The following CRIM1 variants were observed in gnomAD, a reference collection of about 807,000 sequenced individuals.
CRIM1 encodes the protein cysteine-rich motor neuron 1 protein.
In CRIM1, 32 loss-of-function variants were observed where a neutral mutation model predicts 116.4. The observed-to-expected ratio is 0.27, with a 90% CI of 0.21 to 0.37. The LOEUF (loss-of-function observed/expected upper bound fraction) is 0.37, where lower values mean the gene tolerates loss of function less well. Ranked by LOEUF, CRIM1 falls within the 10% of genes least tolerant of loss-of-function variation. The pLI is 1.00. For synonymous variants in CRIM1, 590 were observed against 509.2 expected, an observed-to-expected ratio of 1.16 and a Z score of -2.13; for missense variants, 1,331 against 1,354.8, an observed-to-expected ratio of 0.98 and a Z score of 0.28.
At chr2:36,385,530 T>C (rs1339337645) in intron 1 of CRIM1, among the ~76,000 whole-genome samples, 1 of 152,190 alleles carries the variant, frequency 6.6e-6, no homozygotes, top group Non-Finnish European at 1.5e-5. Context: ...TCTGCAGCTC[T>C]GTTCCTTGGC....
intron 2 of CRIM1, among the ~76,000 whole-genome samples, chr2:36,420,319 A>G (rs920754390): frequency 1.3e-5 from 2 of 152,214 alleles, no homozygotes; most frequent in Non-Finnish European, 2.9e-5. Context: ...GTTATTTAAT[A>G]TACCCAAGAA....
chr2:36,439,937 A>G (rs1199826494), intron 2 of CRIM1, among the ~76,000 whole-genome samples: 2 of 152,218 alleles, frequency 1.3e-5, no homozygotes, highest in African/African-American at 4.8e-5. Context: ...TGCTGAAGCA[A>G]CAGGTGCTCA....
intron 5 of CRIM1, among the ~76,000 whole-genome samples, chr2:36,476,206 G>T (rs1678962534): frequency 6.6e-6 from 1 of 152,058 alleles, no homozygotes; most frequent in African/African-American, 2.4e-5. Flanking sequence ...ACAATGGAAG[G>T]AGCACAAGGT....
At chr2:36,478,586 A>G (rs1679166927) in intron 6 of CRIM1, among the ~76,000 whole-genome samples, 1 of 152,210 alleles carries the variant, frequency 6.6e-6, no homozygotes. Flanking sequence ...TAACGCTGTG[A>G]TGGCATTATT....
chr2:36,363,398 A>G (rs906170302), intron 1 of CRIM1, among the ~76,000 whole-genome samples: 5 of 151,998 alleles, frequency 3.3e-5, no homozygotes, highest in African/African-American at 1.2e-4. Context: ...AGTATAAGTG[A>G]AACAATTTTA....
At chr2:36,433,923 A>C (rs1376739270) in intron 2 of CRIM1, among the ~76,000 whole-genome samples, 1 of 152,142 alleles carries the variant, frequency 6.6e-6, no homozygotes, top group African/African-American at 2.4e-5. Flanking sequence ...TCGGAGTCTT[A>C]AGATAGTGCT....
chr2:36,441,375 G>T lies in CRIM1; in HGVS notation c.623G>T (p.Ser208Ile). 2.5e-6 allele frequency: 4 copies of T among 1,614,168 alleles called. No individual in the cohort carries two copies. The highest frequency in any genetic ancestry group is 3.4e-6 in the Non-Finnish European group (4 of 1,180,038). Reference sequence around the variant, plus strand: ...CCTGGGGAGTGCTGTCCCTTACCCAGCCGCTGCGTGTGCAACCCCGCAGGC... The same window carrying T: ...CCTGGGGAGTGCTGTCCCTTACCCATCCGCTGCGTGTGCAACCCCGCAGGC... ...APPGECCPLP[S>I]RCVCNPAGCL... Residue 208 changes from serine (S) to isoleucine (I), a missense_variant, in exon 3 of 17, where the codon AGC (serine) becomes ATC (isoleucine). Physicochemically the swap from Ser to Ile is moderately radical, Grantham distance 142. This residue lies in a region of CRIM1 where 690 missense variants were observed against 676.0 expected (regional missense o/e 1.02). Transcript: ENST00000280527.
chr2:36,356,425 T>C lies in CRIM1; in HGVS notation c.133T>C (p.Cys45Arg). Residue 45 changes from cysteine (C) to arginine (R), a missense_variant, in exon 1 of 17, where the codon TGC becomes CGC. Cys to Arg is a radical substitution (Grantham distance 180). This residue lies in a region of CRIM1 where 690 missense variants were observed against 676.0 expected (regional missense o/e 1.02). Transcript: ENST00000280527. This position sits in a 1 kb window ranked among gnomAD's most constrained non-coding sequence, Gnocchi z 4.3. ...CTGCCTGCCCTGTGACGAGTCCAAG[T>C]GCGAGGAGCCCAGGAACTGCCCGGG... is the stretch of plus-strand genomic sequence containing the variant. The part of the protein sequence containing the change: ...LVCLPCDESK[C>R]EEPRNCPGSI... 1 of 1,610,898 alleles carries C rather than the reference T, an allele frequency of 6.2e-7. No homozygotes were observed. The highest frequency in any genetic ancestry group is 1.1e-5 in the South Asian group (1 of 90,902).
At chr2:36,363,531 C>CCCCT (rs1558500306) in intron 1 of CRIM1, among the ~76,000 whole-genome samples, 1 of 101,354 alleles carries the variant, frequency 9.9e-6, no homozygotes, top group Non-Finnish European at 2.0e-5. Context: ...TCGTCGCCGC[C>CCCCT]CCCCCCCCCC....
In CRIM1 at chr2:36,476,769, T is replaced by A. The variant is rs2276672; in HGVS notation, c.992-120T>A. The A allele has an allele frequency of 2.5e-3, 1,855 of 749,700 alleles. 19 individuals carry two copies. Among genetic ancestry groups the A allele is most frequent in the East Asian group, 0.012 (460 of 38,806 alleles). 46.4% of individuals were successfully genotyped at this position (749,700 alleles called of 1,614,324 possible). ...TTACATGAACTTACATTGAGTTGAG[T>A]AAATTTCCATCAACTTATAACCTCC... is the stretch of plus-strand genomic sequence containing the variant. On this transcript the variant is annotated intron_variant, in intron 5 of 16. Coordinates refer to ENST00000280527, the MANE Select transcript of CRIM1 (RefSeq NM_016441.3).
chr2:36,401,838 A>G (rs765408938), intron 2 of CRIM1, among the ~76,000 whole-genome samples: 26 of 152,232 alleles, frequency 1.7e-4, no homozygotes, highest in Non-Finnish European at 2.5e-4. Flanking sequence ...TCCAGCAAGT[A>G]TTTATGAAAT....
chr2:36,537,693 CT>C (rs1666650384), intron 14 of CRIM1, 147 bp downstream of exon 14: 1 of 874,304 alleles, frequency 1.1e-6, no homozygotes, highest in Non-Finnish European at 1.7e-6. Context: ...CCCAAAGACC[CT>C]ATGGGTAACT....
chr2:36,483,736 T>C (rs934234493), intron 7 of CRIM1, among the ~76,000 whole-genome samples: 3 of 152,054 alleles, frequency 2.0e-5, no homozygotes, highest in African/African-American at 7.2e-5. Context: ...AATGAGTAAA[T>C]AATAAGTGAG....
intron 6 of CRIM1, among the ~76,000 whole-genome samples, chr2:36,478,331 C>T (rs1679145953): frequency 6.6e-6 from 1 of 152,108 alleles, no homozygotes; most frequent in Admixed American, 6.6e-5. Context: ...TCCCTACCTG[C>T]CCCCAGTCTG....
intron 8 of CRIM1, among the ~76,000 whole-genome samples, chr2:36,507,760 T>G (rs1391489489): frequency 6.6e-6 from 1 of 152,246 alleles, no homozygotes; most frequent in African/African-American, 2.4e-5. Flanking sequence ...TAAACTTGAA[T>G]GGAGACACAA....
intron 2 of CRIM1, among the ~76,000 whole-genome samples, chr2:36,401,263 C>G (rs944075333): frequency 2.6e-5 from 4 of 152,094 alleles, no homozygotes; most frequent in African/African-American, 7.2e-5. Flanking sequence ...TTGAACATAT[C>G]ACCATAAAAT....
Position 36,521,971 on chromosome 2 carries a change from C to T in CRIM1, c.2207-121C>T, listed in dbSNP as rs571481798. The T allele has an allele frequency of 2.3e-4, 165 of 729,212 alleles. 1 individual carries two copies. The South Asian group carries it at 2.4e-3, about 11-fold the overall frequency. The allele number at this position is 729,212 out of a possible 1,614,324, so 45.2% of individuals were successfully genotyped here. ...AATCATACTTTCTGATTTGTTACTG[C>T]GTCATGTATTTAAGGAGGCACCGAA... On this transcript the variant is annotated intron_variant, in intron 12 of 16. Coordinates refer to ENST00000280527, the MANE Select transcript of CRIM1 (RefSeq NM_016441.3).
rs562283047 is a variant in CRIM1 at position 36,426,422 on chromosome 2, A to G, written c.506-14836A>G. ...AGATCAAGTAAAATCCCTAGCATGT[A>G]TCAATAGCCACCTGTATCAAACATT... On this transcript the variant is annotated intron_variant, in intron 2 of 16. Transcript: ENST00000280527. 2.6e-5 allele frequency among the ~76,000 whole-genome samples: 4 copies of G among 152,322 alleles called. No individual in the cohort carries two copies. The South Asian group carries it at 8.3e-4, about 32-fold the overall frequency.
chr2:36,521,782 A>G lies in CRIM1; in HGVS notation c.2207-310A>G, dbSNP rs563626107. Among the ~76,000 whole-genome samples, 195 of 152,348 alleles carry G rather than the reference A, an allele frequency of 1.3e-3. 1 individual carries two copies. The highest frequency in any genetic ancestry group is 4.5e-3 in the African/African-American group (187 of 41,588). ...GGAAAGCAGGGAACAGAATTGTCCC[A>G]TTTACTTACATGCATTGTAATCCAA... On this transcript the variant is annotated intron_variant, in intron 12 of 16. Transcript: ENST00000280527.
Sources: gnomAD v4.1 joint callset for allele counts (sites outside exome capture counted in the v4.1 genomes callset) on GRCh38, gnomAD v4.1.1 for gene constraint, gnomAD v4.1.1 regional missense constraint, Gnocchi (gnomAD v3.1) non-coding constraint, MANE v1.5 for transcripts, NCBI Gene and HGNC (gene_info 2026-07-23, HGNC 2026-07-21) for gene names.